Variants in BIRC6 observed in about 807,000 individuals in gnomAD.
BIRC6 encodes the protein baculoviral IAP repeat containing 6.
Under a neutral mutation model 503.3 loss-of-function variants are expected in BIRC6, and 98 were observed. The ratio of observed to expected loss-of-function variants is 0.19; its 90% CI spans 0.17 to 0.23. BIRC6 has a LOEUF of 0.23. Among genes scored for constraint, BIRC6 ranks in the 10% least tolerant of loss-of-function variants. The pLI is 1.00. For missense variants in BIRC6, 5,360 were observed against 5,806.0 expected (o/e 0.92, Z 2.50); for synonymous variants, 2,240 against 2,078.7 (o/e 1.08, Z -2.11).
chr2:32,482,528 C>G lies in BIRC6; in HGVS notation c.7642C>G (p.Pro2548Ala). The G allele has an allele frequency of 1.2e-6, 2 of 1,613,910 alleles. No individual in the cohort carries two copies. Among genetic ancestry groups the G allele is most frequent in the East Asian group, 2.2e-5 (1 of 44,876 alleles). ...GGLGIPVAKPPANTEKNGSQT... is the reference protein window; with the variant it reads ...GGLGIPVAKPAANTEKNGSQT... Reference sequence around the variant, plus strand: ...TCTGGGAATTCCTGTAGCAAAGCCACCAGCAAACACGGAGAAGAACGGATC... The same window carrying G: ...TCTGGGAATTCCTGTAGCAAAGCCAGCAGCAAACACGGAGAAGAACGGATC... Residue 2548 changes from proline to alanine, a missense_variant, in exon 39 of 74, where the codon CCA (proline) becomes GCA (alanine). By Grantham distance (27) the Pro-to-Ala change is conservative. Coordinates refer to ENST00000421745, the MANE Select transcript of BIRC6 (RefSeq NM_016252.4).
chr2:32,468,615 G>T lies in BIRC6; in HGVS notation c.5959G>T (p.Ala1987Ser), dbSNP rs761484676. The T allele has an allele frequency of 2.5e-6, 4 of 1,613,948 alleles. No individual in the cohort carries two copies. In the East Asian group the frequency reaches 8.9e-5, roughly 36 times the overall value. ...CIQLQLQLNL[A>S]HNAVQRLKVA... ...TCAGCTACAGCTTCAACTAAATTTG[G>T]CTCATAATGCAGTGCAGAGGCTCAA... The change falls in exon 29 of 74, where the codon GCT becomes TCT. Residue 1987 changes from alanine to serine, a missense_variant. Ala to Ser is a moderately conservative substitution (Grantham distance 99). Coordinates refer to ENST00000421745, the MANE Select transcript of BIRC6 (RefSeq NM_016252.4).
chr2:32,504,077 T>TGTGTGTGTGTGTGTGTGTGTG (rs58131659), intron 49 of BIRC6, among the ~76,000 whole-genome samples: 1 of 145,630 alleles, frequency 6.9e-6, no homozygotes, highest in Non-Finnish European at 1.5e-5. Context: ...TGTGTGTGTG[T>TGTGTGTGTGTGTGTGTGTGTG]TTAGTAGAGA....
At chr2:32,417,423 C>T (rs1436887861) in intron 10 of BIRC6, among the ~76,000 whole-genome samples, 1 of 152,166 alleles carries the variant, frequency 6.6e-6, no homozygotes, top group Non-Finnish European at 1.5e-5. Flanking sequence ...GGATTACAGG[C>T]GTGTGGCATT....
At chr2:32,388,718 T>A in intron 3 of BIRC6, 32 bp from the exon 4 acceptor site, 1 of 1,463,098 alleles carries the variant, frequency 6.8e-7, no homozygotes, top group Non-Finnish European at 9.2e-7. Flanking sequence ...TTGAGTACAT[T>A]TTCCTTTGCT....
chr2:32,547,710 A>T (rs1043211945), intron 63 of BIRC6, 140 bp from the exon 64 acceptor site: 1 of 696,674 alleles, frequency 1.4e-6, no homozygotes, highest in Non-Finnish European at 2.3e-6. Context: ...GGTCATACAG[A>T]AAATCTGTGT....
intron 10 of BIRC6, among the ~76,000 whole-genome samples, chr2:32,416,534 C>G (rs2042389842): frequency 6.6e-6 from 1 of 151,556 alleles, no homozygotes; most frequent in South Asian, 2.1e-4. Context: ...TAAGAAAGTC[C>G]ATTTCCTAGG....
At position 32,439,175 on chromosome 2, in the gene BIRC6, T is replaced by TTG. The variant is rs957514092; in HGVS notation, c.3632-320_3632-319dup. Among the ~76,000 whole-genome samples the TTG allele has an allele frequency of 3.2e-4, 48 of 151,506 alleles. No homozygotes were observed. In the Middle Eastern group the frequency reaches 0.01, roughly 33 times the overall value. ...TCTAGATGATAGCTTAATGACAGTT[T>TTG]TGTGTGTGTGTGTGCGTGTGTATGT... On this transcript the variant is annotated intron_variant, in intron 15 of 73. Coordinates refer to ENST00000421745, the MANE Select transcript of BIRC6 (RefSeq NM_016252.4).
intron 10 of BIRC6, among the ~76,000 whole-genome samples, chr2:32,416,930 G>A (rs1181810095): frequency 1.3e-5 from 2 of 151,960 alleles, no homozygotes; most frequent in Admixed American, 6.6e-5. Flanking sequence ...TCCGCTCCCA[G>A]GTTCAAGCAA....
Position 32,499,628 on chromosome 2 carries a change from C to A in BIRC6, c.8550C>A (p.Val2850=), listed in dbSNP as rs373827659. 8 of 1,613,718 alleles carry A rather than the reference C, an allele frequency of 5.0e-6. No individual in the cohort carries two copies. The highest frequency in any genetic ancestry group is 5.9e-6 in the Non-Finnish European group (7 of 1,179,858). Residue 2850 remains valine (V), a synonymous_variant, in exon 46 of 74, where the codon GTC becomes GTA. Transcript: ENST00000421745. ...TCACTCTGGAGCAGAATTTTGAAGT[C>A]GTTTCAGTTAGTACTATTTCTGCCG... ...LEFTLEQNFE[V]VSVSTISAVI... is the part of the protein sequence containing the mutation.
intron 57 of BIRC6, among the ~76,000 whole-genome samples, chr2:32,524,098 T>A (rs904243353): frequency 2.0e-5 from 3 of 151,966 alleles, no homozygotes; most frequent in African/African-American, 7.2e-5. Context: ...GTGAAAAAAA[T>A]TAAAATTTCA....
In BIRC6 at chr2:32,370,015, CATATATGTATGTAT is replaced by C. The variant is rs1310812909; in HGVS notation, c.326-7550_326-7537del. ...GTATGTATGTGTGTGTATATATATG[CATATATGTATGTAT>C]ATATATGTATGTATATATATGTGTG... On this transcript the variant is annotated intron_variant, in intron 1 of 73. Transcript: ENST00000421745. Among the ~76,000 whole-genome samples, 30 of 91,224 alleles carry C rather than the reference CATATATGTATGTAT, an allele frequency of 3.3e-4. 1 individual carries two copies. The highest frequency in any genetic ancestry group is 2.3e-3 in the East Asian group (6 of 2,598). 59.8% of individuals were successfully genotyped at this position (91,224 alleles called of 152,430 possible).
intron 39 of BIRC6, among the ~76,000 whole-genome samples, chr2:32,483,308 T>C (rs1327736972): frequency 6.6e-6 from 1 of 152,224 alleles, no homozygotes; most frequent in Non-Finnish European, 1.5e-5. Context: ...CGCTGCTCCT[T>C]CTGTTATAAA....
chr2:32,439,485 C>T, intron 15 of BIRC6, 23 bp from the exon 16 acceptor site: 1 of 1,593,750 alleles, frequency 6.3e-7, no homozygotes, highest in Non-Finnish European at 8.6e-7. Flanking sequence ...AGTTATTTTC[C>T]CCATTCTACT....
Position 32,607,554 on chromosome 2 carries a change from T to G in BIRC6, c.14170T>G (p.Ser4724Ala). ...SRGTPSGTQSSREYDGNIRQA... is the reference protein window; with the variant it reads ...SRGTPSGTQSAREYDGNIRQA... ...AGGCACTCCCAGTGGCACACAGAGT[T>G]CTCGAGAATATGATGGAAACATTCG... The change falls in exon 72 of 74, where the codon TCT (serine) becomes GCT (alanine). Residue 4724 changes from serine (S) to alanine (A), a missense_variant. Ser to Ala is a moderately conservative substitution (Grantham distance 99, BLOSUM62 1). This residue lies in a region of BIRC6 where 40 missense variants were observed against 53.4 expected (regional missense o/e 0.75). Coordinates refer to ENST00000421745, the MANE Select transcript of BIRC6 (RefSeq NM_016252.4). 1 of 1,613,836 alleles carries G rather than the reference T, an allele frequency of 6.2e-7. No individual in the cohort carries two copies. Among genetic ancestry groups the G allele is most frequent in the African/African-American group, 1.3e-5 (1 of 75,036 alleles).
At chr2:32,472,077 A>G (rs1048741323) in intron 32 of BIRC6, among the ~76,000 whole-genome samples, 3 of 152,234 alleles carry the variant, frequency 2.0e-5, no homozygotes, top group African/African-American at 7.2e-5. Flanking sequence ...AACTACATTC[A>G]TATTGAGAAA....
At chr2:32,498,961 G>A (rs1031043317) in intron 45 of BIRC6, among the ~76,000 whole-genome samples, 3 of 152,152 alleles carry the variant, frequency 2.0e-5, no homozygotes, top group African/African-American at 7.2e-5. Context: ...CAAGTGATCT[G>A]CCCACCTGGG....
chr2:32,425,299 C>T (rs1318869998), intron 10 of BIRC6, among the ~76,000 whole-genome samples: 1 of 152,182 alleles, frequency 6.6e-6, no homozygotes, highest in Middle Eastern at 3.4e-3. Context: ...TACATTCATA[C>T]ATCATTTTCC....
intron 66 of BIRC6, among the ~76,000 whole-genome samples, chr2:32,583,770 G>A (rs138455920): frequency 1.2e-4 from 19 of 152,138 alleles, no homozygotes; most frequent in African/African-American, 3.6e-4. Context: ...TCACTCTGTC[G>A]CCCAGGCTGG....
intron 6 of BIRC6, among the ~76,000 whole-genome samples, chr2:32,399,913 G>T (rs2040415786): frequency 6.6e-6 from 1 of 151,956 alleles, no homozygotes; most frequent in Non-Finnish European, 1.5e-5. Flanking sequence ...TGAGTCTCCC[G>T]AGTAGCTGGG....
Sources: allele counts gnomAD v4.1 joint callset (sites outside exome capture counted in the v4.1 genomes callset), GRCh38; gene constraint gnomAD v4.1.1; regional missense constraint gnomAD v4.1.1; transcripts MANE v1.5; gene names NCBI Gene and HGNC (gene_info 2026-07-23, HGNC 2026-07-21).